The following PHACTR3 variants were observed in gnomAD, a reference collection of about 807,000 sequenced individuals.
PHACTR3 encodes protein phosphatase 1, regulatory subunit 123.
A neutral mutation model predicts 66.8 loss-of-function variants in PHACTR3; 16 were observed. The observed-to-expected ratio is 0.24, with a 90% CI of 0.16 to 0.36. The LOEUF (loss-of-function observed/expected upper bound fraction) is 0.36, where lower values mean the gene tolerates loss of function less well. PHACTR3 is among the 10% of genes least tolerant of loss of function. PHACTR3 has a pLI of 1.00. For missense variants in PHACTR3, 647 were observed against 719.9 expected (o/e 0.90, Z 1.16); for synonymous variants, 323 against 292.1 (o/e 1.11, Z -1.08).
At chr20:59,731,142 C>T (rs961859249) in intron 1 of PHACTR3, among the ~76,000 whole-genome samples, 9 of 152,284 alleles carry the variant, frequency 5.9e-5, no homozygotes, top group Middle Eastern at 3.4e-3. Flanking sequence ...GGTTGGAACT[C>T]AGACTTTGAA....
At chr20:59,656,834 A>G (rs924387098) in intron 1 of PHACTR3, among the ~76,000 whole-genome samples, 4 of 151,834 alleles carry the variant, frequency 2.6e-5, no homozygotes, top group Non-Finnish European at 4.4e-5. Context: ...GGATTACCAT[A>G]TACATCTTAA....
At position 59,760,414 on chromosome 20, in the gene PHACTR3, C is replaced by T. The variant is rs989360525; in HGVS notation, c.541+5050C>T. Among the ~76,000 whole-genome samples the T allele has an allele frequency of 7.9e-4, 121 of 152,212 alleles. 1 individual carries two copies. The highest frequency in any genetic ancestry group is 2.8e-3 in the African/African-American group (118 of 41,520). On this transcript the variant is annotated intron_variant, in intron 4 of 12. Coordinates refer to ENST00000371015, the MANE Select transcript of PHACTR3 (RefSeq NM_080672.5). The stretch of plus-strand genomic sequence containing the variant: ...TGAATTGTAGCTCCCATAATTCCCA[C>T]GTGTGGTGGGAGGGACCTGGTGGGA...
At chr20:59,622,018 A>T (rs906732186) in intron 1 of PHACTR3, among the ~76,000 whole-genome samples, 1 of 152,136 alleles carries the variant, frequency 6.6e-6, no homozygotes. Flanking sequence ...TTTTTGTCGA[A>T]AGTCATTGGG....
Position 59,847,422 on chromosome 20 carries a change from A to G in PHACTR3, c.*292A>G. The G allele has an allele frequency of 3.3e-6, 1 of 301,278 alleles. No homozygotes were observed. Among genetic ancestry groups the G allele is most frequent in the East Asian group, 4.9e-5 (1 of 20,430 alleles). 18.7% of individuals were successfully genotyped at this position (301,278 alleles called of 1,614,324 possible). ...GTTGTTTGCCTTTCAACCTTGTTTTACAGTTCTGCAGTGTAATGGAGGACG... is the reference window on the plus strand; with the variant it reads ...GTTGTTTGCCTTTCAACCTTGTTTTGCAGTTCTGCAGTGTAATGGAGGACG... On this transcript the variant is annotated 3_prime_UTR_variant, in exon 13 of 13. Coordinates refer to ENST00000371015, the MANE Select transcript of PHACTR3 (RefSeq NM_080672.5).
At chr20:59,660,251 T>C (rs910755411) in intron 1 of PHACTR3, among the ~76,000 whole-genome samples, 2 of 152,114 alleles carry the variant, frequency 1.3e-5, no homozygotes, top group Admixed American at 6.5e-5. Context: ...TCCCAGCACT[T>C]TGGGAGGCTG....
At chr20:59,625,586 C>T (rs887088578) in intron 1 of PHACTR3, among the ~76,000 whole-genome samples, 3 of 152,082 alleles carry the variant, frequency 2.0e-5, no homozygotes, top group Admixed American at 6.5e-5. Context: ...TCTCCCTGGC[C>T]GCCTTTGGTT....
chr20:59,847,208 T>C lies in PHACTR3; in HGVS notation c.*78T>C. On this transcript the variant is annotated 3_prime_UTR_variant, in exon 13 of 13. Transcript: ENST00000371015. ...CATTCATCAGGGAACTTTCCTGAAGTTCAGCTCAAGACTACCCTACCTGCT... is the reference window on the plus strand; with the variant it reads ...CATTCATCAGGGAACTTTCCTGAAGCTCAGCTCAAGACTACCCTACCTGCT... The C allele has an allele frequency of 1.7e-6, 2 of 1,145,944 alleles. No homozygotes were observed. Among genetic ancestry groups the C allele is most frequent in the East Asian group, 2.4e-5 (1 of 42,144 alleles). 71.0% of individuals were successfully genotyped at this position (1,145,944 alleles called of 1,614,324 possible).
At chr20:59,663,685 C>T (rs1384072555) in intron 1 of PHACTR3, among the ~76,000 whole-genome samples, 5 of 152,288 alleles carry the variant, frequency 3.3e-5, no homozygotes, top group Admixed American at 3.3e-4. Flanking sequence ...GGTTCCCTGG[C>T]TCTGGGGCCG....
intron 1 of PHACTR3, among the ~76,000 whole-genome samples, chr20:59,678,094 G>A (rs543645749): frequency 3.3e-5 from 5 of 152,256 alleles, no homozygotes; most frequent in Admixed American, 1.3e-4. Flanking sequence ...TTCCTGAGCC[G>A]AGCCCATAGG....
chr20:59,814,394 G>C (rs974401251), intron 8 of PHACTR3, among the ~76,000 whole-genome samples: 1 of 152,156 alleles, frequency 6.6e-6, no homozygotes, highest in African/African-American at 2.4e-5. Context: ...AGGGAATCCA[G>C]GAAGAAGGCA....
chr20:59,774,551 G>T, intron 7 of PHACTR3, 61 bp downstream of exon 7: 1 of 1,573,790 alleles, frequency 6.4e-7, no homozygotes. Context: ...TGTCACCAGG[G>T]GGTCGAGGAC....
At chr20:59,760,886 GT>G (rs1348751249) in intron 4 of PHACTR3, among the ~76,000 whole-genome samples, 2 of 152,202 alleles carry the variant, frequency 1.3e-5, no homozygotes, top group Non-Finnish European at 2.9e-5. Context: ...CGTGTTCTGT[GT>G]GCACTCTATT....
intron 1 of PHACTR3, among the ~76,000 whole-genome samples, chr20:59,611,546 C>G (rs1446782356): frequency 1.3e-5 from 2 of 152,194 alleles, no homozygotes; most frequent in Admixed American, 1.3e-4. Flanking sequence ...CTTCAGGCAC[C>G]AGGGCCATTC....
At chr20:59,644,924 C>T (rs1455638827) in intron 1 of PHACTR3, among the ~76,000 whole-genome samples, 1 of 152,070 alleles carries the variant, frequency 6.6e-6, no homozygotes, top group African/African-American at 2.4e-5. Flanking sequence ...GGCACATCGC[C>T]TGATGCTGAG....
intron 2 of PHACTR3, among the ~76,000 whole-genome samples, 156 bp downstream of exon 2, chr20:59,743,424 C>T (rs1305244204): frequency 6.6e-6 from 1 of 152,302 alleles, no homozygotes; most frequent in Middle Eastern, 3.4e-3. Context: ...TGCAAGTTAC[C>T]CCGCTGGCCC....
intron 12 of PHACTR3, among the ~76,000 whole-genome samples, chr20:59,846,661 G>T (rs1294482714): frequency 5.3e-5 from 8 of 151,710 alleles, no homozygotes; most frequent in African/African-American, 9.7e-5. Context: ...CTTAAAATGT[G>T]GTATAAAGAC....
At chr20:59,795,167 C>T (rs756953454) in intron 7 of PHACTR3, among the ~76,000 whole-genome samples, 1 of 152,056 alleles carries the variant, frequency 6.6e-6, no homozygotes, top group Non-Finnish European at 1.5e-5. Flanking sequence ...TGCTGTATCT[C>T]ATAGGGTTTG....
intron 1 of PHACTR3, among the ~76,000 whole-genome samples, chr20:59,729,058 T>C (rs898643713): frequency 2.0e-5 from 3 of 151,872 alleles, no homozygotes; most frequent in Non-Finnish European, 4.4e-5. Context: ...CAGAGAACTG[T>C]GAGGTTGGAG....
intron 1 of PHACTR3, among the ~76,000 whole-genome samples, chr20:59,650,874 G>A (rs1228162890): frequency 6.6e-6 from 1 of 152,162 alleles, no homozygotes; most frequent in East Asian, 1.9e-4. Flanking sequence ...GTGTGGCAGG[G>A]TTGGGGGCTA....
Sources: allele counts gnomAD v4.1 joint callset (sites outside exome capture counted in the v4.1 genomes callset), GRCh38; gene constraint gnomAD v4.1.1; transcripts MANE v1.5; gene names NCBI Gene and HGNC (gene_info 2026-07-23, HGNC 2026-07-21).